Variants in SDC2 observed in about 807,000 individuals in gnomAD.
SDC2 encodes syndecan 2.
Under a neutral mutation model 22.2 loss-of-function variants are expected in SDC2, and 13 were observed. The observed-to-expected ratio is 0.59, with a 90% CI of 0.38 to 0.93. SDC2 has a LOEUF of 0.93. Ranked by LOEUF, SDC2 falls within the 40% of genes least tolerant of loss-of-function variation. SDC2 has a pLI of 0.00. For synonymous variants in SDC2, 94 were observed against 92.8 expected (o/e 1.01, Z -0.07); for missense variants, 235 against 246.8 (o/e 0.95, Z 0.32).
At chr8:96,563,817 T>G (rs543272216) in intron 1 of SDC2, among the ~76,000 whole-genome samples, 31 of 152,338 alleles carry the variant, frequency 2.0e-4, no homozygotes, top group Middle Eastern at 6.8e-3. Context: ...GAGCTCCTGC[T>G]TGGTGCCAGC....
At chr8:96,551,325 T>C (rs1814023214) in intron 1 of SDC2, among the ~76,000 whole-genome samples, 3 of 152,186 alleles carry the variant, frequency 2.0e-5, no homozygotes, top group Non-Finnish European at 4.4e-5. Context: ...CTCACCTCTT[T>C]TCAGTAGGAC....
At chr8:96,511,234 C>T (rs182463967) in intron 1 of SDC2, among the ~76,000 whole-genome samples, 70 of 152,128 alleles carry the variant, frequency 4.6e-4, no homozygotes, top group Non-Finnish European at 1.2e-4. Flanking sequence ...TTGTGGGGCA[C>T]GGGTGTCAGT....
At chr8:96,517,680 T>C (rs1425064420) in intron 1 of SDC2, among the ~76,000 whole-genome samples, 1 of 152,082 alleles carries the variant, frequency 6.6e-6, no homozygotes, top group Non-Finnish European at 1.5e-5. Flanking sequence ...ATTCTGTTCC[T>C]TTTATCTGTA....
At chr8:96,592,799 T>C (rs940304963) in intron 1 of SDC2, among the ~76,000 whole-genome samples, 6 of 152,258 alleles carry the variant, frequency 3.9e-5, no homozygotes, top group Non-Finnish European at 7.3e-5. Context: ...CATTAAGGCT[T>C]TGCTAAGCCA....
intron 1 of SDC2, among the ~76,000 whole-genome samples, chr8:96,551,917 G>A (rs935161362): frequency 1.3e-5 from 2 of 152,112 alleles, no homozygotes; most frequent in African/African-American, 4.8e-5. Flanking sequence ...TCTTAAACAG[G>A]ATGAGCCTGT....
intron 1 of SDC2, among the ~76,000 whole-genome samples, chr8:96,590,490 T>C (rs1814762557): frequency 1.3e-5 from 2 of 152,208 alleles, no homozygotes; most frequent in African/African-American, 4.8e-5. Flanking sequence ...TTTCATGGCC[T>C]TGAGGAGATG....
intron 1 of SDC2, among the ~76,000 whole-genome samples, chr8:96,507,118 A>G (rs890220109): frequency 2.3e-4 from 35 of 152,192 alleles, no homozygotes; most frequent in Admixed American, 2.2e-3. Flanking sequence ...TTTTTGTAAC[A>G]ACGGATTTTA....
intron 1 of SDC2, among the ~76,000 whole-genome samples, chr8:96,535,404 A>G (rs1277344541): frequency 6.6e-6 from 1 of 152,252 alleles, no homozygotes; most frequent in Non-Finnish European, 1.5e-5. Context: ...TTAACAGAGC[A>G]TCCTGTATTT....
At position 96,551,410 on chromosome 8, in the gene SDC2, C is replaced by T. The variant is rs573197618; in HGVS notation, c.61-42070C>T. Among the ~76,000 whole-genome samples, 18 of 152,274 alleles carry T rather than the reference C, an allele frequency of 1.2e-4. No individual in the cohort carries two copies. In the South Asian group the frequency reaches 3.7e-3, roughly 32 times the overall value. ...TGATATACTGCCTGTTTACTATGTG[C>T]CAAGTACCTATTCCAAGCATTCTGT... On this transcript the variant is annotated intron_variant, in intron 1 of 4. Coordinates refer to ENST00000302190, the MANE Select transcript of SDC2 (RefSeq NM_002998.4).
chr8:96,579,994 C>A (rs1029577193), intron 1 of SDC2, among the ~76,000 whole-genome samples: 4 of 152,056 alleles, frequency 2.6e-5, no homozygotes, highest in African/African-American at 9.7e-5. Flanking sequence ...TTTACAGAGC[C>A]CCCCCAGCAC....
At chr8:96,579,710 G>A (rs982912665) in intron 1 of SDC2, among the ~76,000 whole-genome samples, 6 of 152,230 alleles carry the variant, frequency 3.9e-5, no homozygotes, top group African/African-American at 1.4e-4. Context: ...GAGTTGCAGA[G>A]TTTTAATCAG....
At chr8:96,601,533 C>T (rs1244066690) in intron 2 of SDC2, among the ~76,000 whole-genome samples, 6 of 146,656 alleles carry the variant, frequency 4.1e-5, no homozygotes, top group African/African-American at 1.5e-4. Flanking sequence ...CCCAGCTACT[C>T]GGGAGGCTGA....
chr8:96,522,620 A>AT (rs1229332812), intron 1 of SDC2, among the ~76,000 whole-genome samples: 1 of 152,292 alleles, frequency 6.6e-6, no homozygotes, highest in East Asian at 1.9e-4. Context: ...ACTAAAAGTG[A>AT]TTTTCTCTGT....
At chr8:96,555,349 G>C (rs1282529463) in intron 1 of SDC2, among the ~76,000 whole-genome samples, 2 of 152,080 alleles carry the variant, frequency 1.3e-5, no homozygotes, top group East Asian at 1.9e-4. Flanking sequence ...GGCTAGATTT[G>C]AACAAATTAG....
At chr8:96,585,711 G>A (rs2514783) in intron 1 of SDC2, among the ~76,000 whole-genome samples, 140,499 of 152,160 alleles carry the variant, frequency 0.92, 65,132 homozygotes, top group Non-Finnish European at 0.97. Flanking sequence ...GAATGAATAA[G>A]CAAACACTGT....
At chr8:96,564,377 T>C (rs1341007353) in intron 1 of SDC2, among the ~76,000 whole-genome samples, 4 of 152,152 alleles carry the variant, frequency 2.6e-5, no homozygotes, top group Non-Finnish European at 5.9e-5. Flanking sequence ...TGTCCAAGGG[T>C]GAATGTGATT....
intron 1 of SDC2, chr8:96,586,694 T>C (rs1814692942): frequency 6.6e-6 from 1 of 152,250 alleles, no homozygotes; most frequent in Non-Finnish European, 1.5e-5. Flanking sequence ...AGCCCAGTCA[T>C]CCTTGTGCCT....
intron 1 of SDC2, among the ~76,000 whole-genome samples, chr8:96,519,545 A>G (rs537881287): frequency 1.2e-4 from 19 of 152,316 alleles, no homozygotes; most frequent in African/African-American, 3.8e-4. Context: ...ACATTATTTA[A>G]TGAAACCTCT....
intron 1 of SDC2, among the ~76,000 whole-genome samples, chr8:96,574,104 G>A (rs1814447846): frequency 7.3e-6 from 1 of 136,694 alleles, no homozygotes; most frequent in Admixed American, 8.1e-5. Flanking sequence ...TCTTAGCACC[G>A]TGCACACACC....
Sources: gnomAD v4.1 joint callset for allele counts (sites outside exome capture counted in the v4.1 genomes callset) on GRCh38, gnomAD v4.1.1 for gene constraint, MANE v1.5 for transcripts, NCBI Gene and HGNC (gene_info 2026-07-23, HGNC 2026-07-21) for gene names.